TGFBR3: variants seen among roughly 807,000 people sequenced by gnomAD.
The protein encoded by TGFBR3 is transforming growth factor beta receptor 3.
In TGFBR3, 46 loss-of-function variants were observed where a neutral mutation model predicts 87.9. That is an observed-to-expected ratio of 0.52 (90% CI 0.41 to 0.67). The LOEUF is 0.67. TGFBR3 is among the 30% of genes least tolerant of loss of function. The pLI is 0.00. For synonymous variants in TGFBR3, 381 were observed against 391.6 expected (o/e 0.97, Z 0.32); for missense variants, 866 against 1,041.9 (o/e 0.83, Z 2.32).
In TGFBR3 at chr1:91,779,577, G is replaced by C. The variant is rs144331058; in HGVS notation, c.246+17710C>G. On this transcript the variant is annotated intron_variant, in intron 3 of 16. Coordinates refer to ENST00000212355, the MANE Select transcript of TGFBR3 (RefSeq NM_003243.5). ...TGGGCAGATTCAGAATATGGTCTTA[G>C]GGTAGAACAAATAGGATTGGATATG... Among the ~76,000 whole-genome samples, 513 of 152,322 alleles carry C rather than the reference G, an allele frequency of 3.4e-3. 3 individuals are homozygous for C. Among genetic ancestry groups the C allele is most frequent in the African/African-American group, 0.012 (489 of 41,574 alleles).
At chr1:91,737,065 G>A (rs1180553094) in intron 4 of TGFBR3, among the ~76,000 whole-genome samples, 2 of 152,210 alleles carry the variant, frequency 1.3e-5, no homozygotes, top group Non-Finnish European at 2.9e-5. Context: ...GGGCTGATTC[G>A]TGGAGGAGGA....
At chr1:91,692,168 C>G (rs762215459) in intron 16 of TGFBR3, among the ~76,000 whole-genome samples, 3 of 152,156 alleles carry the variant, frequency 2.0e-5, no homozygotes, top group Non-Finnish European at 4.4e-5. Context: ...AAATGCTGCT[C>G]TAACCAAAAT....
At chr1:91,838,759 G>A (rs1040663549) in intron 2 of TGFBR3, among the ~76,000 whole-genome samples, 10 of 151,694 alleles carry the variant, frequency 6.6e-5, no homozygotes, top group East Asian at 1.9e-4. Flanking sequence ...GTGAGCCACC[G>A]CGCCCGGCCG....
chr1:91,716,459 C>T (rs540486458), intron 11 of TGFBR3, 65 bp from the exon 12 acceptor site: 1 of 1,613,982 alleles, frequency 6.2e-7, no homozygotes, highest in Admixed American at 1.7e-5. Flanking sequence ...CCTGTAGCTT[C>T]ATGAGCTTTG....
rs183785415 is a variant in TGFBR3, at chr1:91,895,953, A to G, written c.-114+3684T>C. On this transcript the variant is annotated intron_variant, in intron 2 of 17. Transcript: ENST00000370399. ...AGTCAGTCCTGTTTACCCTCAAATGATCACTTCTCACTATTTCCATTGCTG... is the reference window on the plus strand; with the variant it reads ...AGTCAGTCCTGTTTACCCTCAAATGGTCACTTCTCACTATTTCCATTGCTG... Among the ~76,000 whole-genome samples, 307 of 152,228 alleles carry G rather than the reference A, an allele frequency of 2.0e-3. 1 individual carries two copies. Among genetic ancestry groups the G allele is most frequent in the African/African-American group, 7.0e-3 (291 of 41,520 alleles).
At chr1:91,771,736 A>C (rs1674386317) in intron 3 of TGFBR3, among the ~76,000 whole-genome samples, 1 of 151,228 alleles carries the variant, frequency 6.6e-6, no homozygotes, top group Non-Finnish European at 1.5e-5. Context: ...TAAATAATGC[A>C]AATAATATAT....
At chr1:91,842,760 A>G (rs1371663450) in intron 2 of TGFBR3, among the ~76,000 whole-genome samples, 1 of 152,224 alleles carries the variant, frequency 6.6e-6, no homozygotes, top group Admixed American at 6.5e-5. Context: ...ACTATGTGCC[A>G]TAAACTTCTG....
In TGFBR3 at chr1:91,717,889, A is replaced by T. The variant is rs200246159; in HGVS notation, c.1567-1181T>A. Among the ~76,000 whole-genome samples, 1,292 of 131,638 alleles carry T rather than the reference A, an allele frequency of 9.8e-3. 14 individuals carry two copies. Among genetic ancestry groups the T allele is most frequent in the East Asian group, 0.055 (263 of 4,798 alleles). 86.4% of individuals were successfully genotyped at this position (131,638 alleles called of 152,430 possible). A position where few individuals can be genotyped will look rare whatever the true frequency, so the allele number is the denominator to read the frequency against. On this transcript the variant is annotated intron_variant, in intron 10 of 16. Transcript: ENST00000212355. ...AAGCAACTGACTTTTTTTTTTTTTT[A>T]TTTTTTCTTAACAGACATATTACTG...
At chr1:91,893,676 A>T (rs1267314703) in intron 2 of TGFBR3, among the ~76,000 whole-genome samples, 1 of 150,490 alleles carries the variant, frequency 6.6e-6, no homozygotes, top group African/African-American at 2.5e-5. Flanking sequence ...TTAAAAAGCA[A>T]TCTTTTATCC....
chr1:91,893,861 T>C (rs866924613), intron 2 of TGFBR3, among the ~76,000 whole-genome samples: 15 of 151,874 alleles, frequency 9.9e-5, no homozygotes, highest in African/African-American at 3.1e-4. Flanking sequence ...ATTTTATTTT[T>C]GGTTTATAAT....
chr1:91,727,069 G>C (rs11165351), intron 7 of TGFBR3, among the ~76,000 whole-genome samples: 1 of 152,322 alleles, frequency 6.6e-6, no homozygotes, highest in Non-Finnish European at 1.5e-5. Context: ...AGCTGGAGTA[G>C]ACTTGTCCAG....
chr1:91,746,723 A>G (rs553315364), intron 4 of TGFBR3, among the ~76,000 whole-genome samples: 1 of 148,186 alleles, frequency 6.7e-6, no homozygotes, highest in African/African-American at 2.5e-5. Flanking sequence ...AATTCTCTTT[A>G]TAGAGTTTTT....
Position 91,797,335 on chromosome 1 carries a change from G to T in TGFBR3, c.198C>A (p.Val66=), listed in dbSNP as rs1029770206. ...CCTGGCCTGCAGTGCGGAGATTCAG[G>T]ACATGCACCTCCTGTGGCAGCCCAG... is the stretch of plus-strand genomic sequence containing the variant. ...GTTGLPQEVH[V]LNLRTAGQGP... The change falls in exon 3 of 17, where the codon GTC becomes GTA. Residue 66 remains valine, a synonymous_variant. Coordinates refer to ENST00000212355, the MANE Select transcript of TGFBR3 (RefSeq NM_003243.5). 6.2e-7 allele frequency: 1 copy of T among 1,614,216 alleles called. No individual in the cohort carries two copies. Among genetic ancestry groups the T allele is most frequent in the South Asian group, 1.1e-5 (1 of 91,070 alleles).
At chr1:91,899,429 C>T (rs191012759) in intron 2 of TGFBR3, among the ~76,000 whole-genome samples, 35 of 152,060 alleles carry the variant, frequency 2.3e-4, no homozygotes, top group Non-Finnish European at 3.2e-4. Context: ...TCACTTGAGC[C>T]GAGGAGGTTG....
At chr1:91,734,679 G>T in intron 5 of TGFBR3, 97 bp downstream of exon 5, 1 of 1,472,234 alleles carries the variant, frequency 6.8e-7, no homozygotes, top group Non-Finnish European at 9.5e-7. Flanking sequence ...CCAACATTCT[G>T]TAATTCTGTG....
At chr1:91,711,063 C>T (rs369014922) in intron 13 of TGFBR3, among the ~76,000 whole-genome samples, 55 of 152,304 alleles carry the variant, frequency 3.6e-4, no homozygotes, top group Admixed American at 1.4e-3. Context: ...AACCCTTAAA[C>T]GTTACCCTTC....
chr1:91,781,171 G>C (rs1674754392), intron 3 of TGFBR3, among the ~76,000 whole-genome samples: 1 of 152,138 alleles, frequency 6.6e-6, no homozygotes, highest in Non-Finnish European at 1.5e-5. Context: ...CCTTGCCTGA[G>C]TTTGTTGCCA....
chr1:91,713,186 C>T (rs988558974), intron 12 of TGFBR3, among the ~76,000 whole-genome samples: 1 of 152,208 alleles, frequency 6.6e-6, no homozygotes, highest in African/African-American at 2.4e-5. Context: ...TTGCCAAGTA[C>T]TCCCCCTTCG....
At chr1:91,707,726 C>T in intron 14 of TGFBR3, among the ~76,000 whole-genome samples, 1 of 152,192 alleles carries the variant, frequency 6.6e-6, no homozygotes, top group Middle Eastern at 3.2e-3. Flanking sequence ...ACTCTCCCAG[C>T]CTTCTCTCAG....
Sources: allele counts gnomAD v4.1 joint callset (sites outside exome capture counted in the v4.1 genomes callset), GRCh38; gene constraint gnomAD v4.1.1; transcripts MANE v1.5; gene names NCBI Gene and HGNC (gene_info 2026-07-23, HGNC 2026-07-21).